The following ITPR1 variants were observed in gnomAD, a reference collection of about 807,000 sequenced individuals.
ITPR1 encodes the protein inositol 1,4,5-trisphosphate receptor type 1.
ITPR1 carries 96 observed loss-of-function variants against 318.4 expected under a neutral mutation model. The ratio of observed to expected loss-of-function variants is 0.30; its 90% CI spans 0.26 to 0.36. The LOEUF (loss-of-function observed/expected upper bound fraction) is 0.36. Among genes scored for constraint, ITPR1 ranks in the 10% least tolerant of loss-of-function variants. The pLI, the probability that ITPR1 is intolerant of heterozygous loss-of-function variation, is 1.00. For synonymous variants in ITPR1, 1,312 were observed against 1,289.9 expected (o/e 1.02, Z -0.37); for missense variants, 2,440 against 3,460.2 (o/e 0.71, Z 7.40).
chr3:4,757,699 T>C (rs1278428047), intron 44 of ITPR1, among the ~76,000 whole-genome samples: 2 of 152,176 alleles, frequency 1.3e-5, no homozygotes, highest in Admixed American at 1.3e-4. Context: ...ACCTACCCCA[T>C]GGGGTGCTTC....
chr3:4,712,483 C>G (rs541761244), intron 39 of ITPR1, among the ~76,000 whole-genome samples: 1 of 152,294 alleles, frequency 6.6e-6, no homozygotes, highest in East Asian at 1.9e-4. Flanking sequence ...CCTTTCAGCC[C>G]CCAGCAACAA....
chr3:4,518,120 A>G (rs2082293322), intron 3 of ITPR1, among the ~76,000 whole-genome samples: 1 of 152,154 alleles, frequency 6.6e-6, no homozygotes, highest in Non-Finnish European at 1.5e-5. Context: ...TCTGCAGGCC[A>G]GCTTCTCTCT....
intron 4 of ITPR1, among the ~76,000 whole-genome samples, chr3:4,601,731 C>G (rs11709872): frequency 0.25 from 38,012 of 152,116 alleles, 5,261 homozygotes; most frequent in East Asian, 0.4. Context: ...AAAACCTTTC[C>G]TGCTTCAAAG....
At chr3:4,739,254 G>C (rs2125326942) in intron 44 of ITPR1, among the ~76,000 whole-genome samples, 1 of 152,328 alleles carries the variant, frequency 6.6e-6, no homozygotes, top group Middle Eastern at 3.4e-3. Flanking sequence ...TGATTGCTGA[G>C]ATGCTTTGCT....
chr3:4,763,745 G>T (rs1037806126), intron 44 of ITPR1, among the ~76,000 whole-genome samples: 9 of 152,246 alleles, frequency 5.9e-5, no homozygotes, highest in African/African-American at 1.7e-4. Context: ...CGTTCTCAGC[G>T]CCTGGCCCTG....
At chr3:4,663,003 C>T in intron 15 of ITPR1, 62 bp from the exon 16 acceptor site, 1 of 1,515,748 alleles carries the variant, frequency 6.6e-7, no homozygotes, top group Non-Finnish European at 9.1e-7. Flanking sequence ...GCTTCCAAGG[C>T]AAAGCTTCCA....
intron 4 of ITPR1, among the ~76,000 whole-genome samples, chr3:4,608,007 T>G (rs1438831831): frequency 3.3e-5 from 5 of 152,122 alleles, no homozygotes; most frequent in Admixed American, 3.3e-4. Context: ...GGTTGAGTTT[T>G]GGGGAAGGGC....
intron 35 of ITPR1, among the ~76,000 whole-genome samples, chr3:4,701,238 G>A (rs2094646255): frequency 6.6e-6 from 1 of 152,196 alleles, no homozygotes; most frequent in South Asian, 2.1e-4. Context: ...TGGGCTGTTG[G>A]GTTCTCATCC....
Position 4,609,089 on chromosome 3 carries a change from T to TATATACACAC in ITPR1, c.164-18673_164-18672insTATACACACA, listed in dbSNP as rs1171860541. 1.1e-3 allele frequency among the ~76,000 whole-genome samples: 104 copies of TATATACACAC among 91,892 alleles called. 1 individual carries two copies. Among genetic ancestry groups the TATATACACAC allele is most frequent in the African/African-American group, 3.9e-3 (102 of 26,422 alleles). The allele number at this position is 91,892 out of a possible 152,430, so 60.3% of individuals were successfully genotyped here. On this transcript the variant is annotated intron_variant, in intron 4 of 61. Coordinates refer to ENST00000649015, the MANE Select transcript of ITPR1 (RefSeq NM_001378452.1). ...ATATATATATATATATATATATATATACACACACACGTATGTCAGTGGTGG... is the reference window on the plus strand; with the variant it reads ...ATATATATATATATATATATATATATATATACACACACACACACACGTATGTCAGTGGTGG...
chr3:4,604,199 G>A (rs758293139), intron 4 of ITPR1, among the ~76,000 whole-genome samples: 2 of 152,102 alleles, frequency 1.3e-5, no homozygotes, highest in Non-Finnish European at 1.5e-5. Flanking sequence ...TAGGTGAGAG[G>A]CACATACATT....
intron 60 of ITPR1, among the ~76,000 whole-genome samples, chr3:4,827,793 G>A (rs2106523566): frequency 6.6e-6 from 1 of 152,310 alleles, no homozygotes; most frequent in East Asian, 1.9e-4. Context: ...TAGAAAAGGG[G>A]AGGGTTTGGA....
At chr3:4,739,538 C>T (rs1392284466) in intron 44 of ITPR1, among the ~76,000 whole-genome samples, 2 of 152,118 alleles carry the variant, frequency 1.3e-5, no homozygotes, top group African/African-American at 4.8e-5. Context: ...TTAGGGAACG[C>T]TGGGCACAGT....
chr3:4,769,746 C>T (rs1054995260), intron 46 of ITPR1, among the ~76,000 whole-genome samples: 2 of 152,220 alleles, frequency 1.3e-5, no homozygotes, highest in Non-Finnish European at 2.9e-5. Flanking sequence ...TAGTCTTACA[C>T]TAGAGCTCAT....
chr3:4,533,170 T>A (rs141800950), intron 4 of ITPR1, among the ~76,000 whole-genome samples: 227 of 152,224 alleles, frequency 1.5e-3, no homozygotes, highest in Non-Finnish European at 2.0e-3. Context: ...ATCCAATTGG[T>A]AAGAGAACAT....
chr3:4,540,828 A>G (rs1341123014), intron 4 of ITPR1, among the ~76,000 whole-genome samples: 1 of 152,162 alleles, frequency 6.6e-6, no homozygotes, highest in Non-Finnish European at 1.5e-5. Context: ...CACCTGCCTC[A>G]GGCTCCCAAA....
chr3:4,635,862 G>T (rs1467262914), intron 5 of ITPR1, among the ~76,000 whole-genome samples: 1 of 151,230 alleles, frequency 6.6e-6, no homozygotes, highest in Non-Finnish European at 1.5e-5. Flanking sequence ...CCAGACTTGG[G>T]TTTGTTTGTT....
At chr3:4,654,026 G>A in intron 12 of ITPR1, 140 bp downstream of exon 12, 2 of 614,716 alleles carry the variant, frequency 3.3e-6, no homozygotes, top group South Asian at 2.1e-5. Flanking sequence ...ACACGATCAT[G>A]TTCTGTGCTT....
intron 36 of ITPR1, among the ~76,000 whole-genome samples, chr3:4,704,812 T>A (rs918365106): frequency 1.3e-5 from 2 of 151,730 alleles, no homozygotes; most frequent in Non-Finnish European, 2.9e-5. Context: ...CTCTTGGGGG[T>A]CGCTTCCTCA....
At chr3:4,743,088 A>C (rs993534420) in intron 44 of ITPR1, among the ~76,000 whole-genome samples, 48 of 152,348 alleles carry the variant, frequency 3.2e-4, no homozygotes, top group African/African-American at 1.1e-3. Flanking sequence ...GAAAAACAGC[A>C]ATCTAGTCAC....
Sources: allele counts gnomAD v4.1 joint callset (sites outside exome capture counted in the v4.1 genomes callset), GRCh38; gene constraint gnomAD v4.1.1; transcripts MANE v1.5; gene names NCBI Gene and HGNC (gene_info 2026-07-23, HGNC 2026-07-21).